Variants in COL17A1 observed in about 807,000 individuals in gnomAD.
COL17A1 encodes collagen type XVII alpha 1 chain, also known as collagen alpha-1(XVII) chain.
In COL17A1, 181 loss-of-function variants were observed where a neutral mutation model predicts 218.4. The ratio of observed to expected loss-of-function variants is 0.83; its 90% CI spans 0.73 to 0.94. The LOEUF (loss-of-function observed/expected upper bound fraction) is 0.94, where lower values mean the gene tolerates loss of function less well. COL17A1 is among the 40% of genes least tolerant of loss of function. The pLI is 0.00. For missense variants in COL17A1, 1,924 were observed against 1,945.9 expected, an observed-to-expected ratio of 0.99 and a Z score of 0.21; for synonymous variants, 721 against 731.0, an observed-to-expected ratio of 0.99 and a Z score of 0.22.
intron 30 of COL17A1, 101 bp downstream of exon 30, chr10:104,047,968 C>T: frequency 6.9e-7 from 1 of 1,456,868 alleles, no homozygotes; most frequent in Non-Finnish European, 9.6e-7. Context: ...CTTCCACATG[C>T]TATATGCTCC....
intron 9 of COL17A1, 25 bp downstream of exon 9, chr10:104,070,401 C>A (rs371642537): frequency 1.9e-6 from 3 of 1,612,652 alleles, no homozygotes; most frequent in Admixed American, 1.7e-5. Flanking sequence ...TCACACTCCT[C>A]GGCAGCCTGG....
At position 104,076,426 on chromosome 10, in the gene COL17A1, C is replaced by A. The variant is rs763187704; in HGVS notation, c.206G>T (p.Gly69Val). 1 of 1,614,020 alleles carries A rather than the reference C, an allele frequency of 6.2e-7. No homozygotes were observed. The highest frequency in any genetic ancestry group is 8.5e-7 in the Non-Finnish European group (1 of 1,179,938). ...GGTGGAGGCATGGCCTCGTGTGCTT[C>A]CAGCTGCAAGAGGGAAAAAGCATAA... ...HGSSGYINST[G>V]STRGHASTSS... is the part of the protein sequence containing the mutation. Residue 69 changes from glycine to valine, a missense_variant, in exon 5 of 56, where the codon GGA becomes GTA. By Grantham distance (109) the Gly-to-Val change is moderately radical. Coordinates refer to ENST00000648076, the MANE Select transcript of COL17A1 (RefSeq NM_000494.4).
At chr10:104,036,028 G>C (rs895138519) in intron 48 of COL17A1, among the ~76,000 whole-genome samples, 1 of 122,872 alleles carries the variant, frequency 8.1e-6, no homozygotes, top group Non-Finnish European at 1.8e-5. Flanking sequence ...GTGTGTCTGA[G>C]TATGGAAGTG....
At chr10:104,034,422 A>G (rs1014218879) in intron 51 of COL17A1, 88 bp from the exon 52 acceptor site, 48 of 1,486,672 alleles carry the variant, frequency 3.2e-5, no homozygotes, top group South Asian at 1.7e-4. Context: ...CAGGGTGTCA[A>G]TGCCCCTGAG....
intron 48 of COL17A1, among the ~76,000 whole-genome samples, chr10:104,036,105 AGTGT>A (rs200804774): frequency 1.2e-3 from 1 of 828 alleles, no homozygotes; most frequent in East Asian, 0.038. Flanking sequence ...TGTGTATGGG[AGTGT>A]GTGTGTATGG....
chr10:104,032,774 G>GTAAC lies in COL17A1; in HGVS notation c.4358-24_4358-21dup. The GTAAC allele has an allele frequency of 1.2e-6, 2 of 1,613,348 alleles. No individual in the cohort carries two copies. The highest frequency in any genetic ancestry group is 2.7e-5 in the African/African-American group (2 of 75,026). ...TGTCACCTGGAAGGAAAAATGGGGC[G>GTAAC]TAACTAAGTAATACATGAGTCTGGG... On this transcript the variant is annotated intron_variant, in intron 54 of 55. Coordinates refer to ENST00000648076, the MANE Select transcript of COL17A1 (RefSeq NM_000494.4).
intron 53 of COL17A1, 129 bp downstream of exon 53, chr10:104,033,109 A>AT: frequency 6.6e-7 from 1 of 1,513,784 alleles, no homozygotes; most frequent in Non-Finnish European, 9.0e-7. Flanking sequence ...AATTTATAGA[A>AT]TTTGTCTAAT....
At position 104,057,871 on chromosome 10, in the gene COL17A1, A is replaced by G. The variant is rs112360257; in HGVS notation, c.1267+275T>C. ...AGTCACCCTGTTGTGTTAGGAGACAACCTAACTAACAAGTGTTAATTAGGG... is the reference window on the plus strand; with the variant it reads ...AGTCACCCTGTTGTGTTAGGAGACAGCCTAACTAACAAGTGTTAATTAGGG... On this transcript the variant is annotated intron_variant, in intron 16 of 55. Coordinates refer to ENST00000648076, the MANE Select transcript of COL17A1 (RefSeq NM_000494.4). Among the ~76,000 whole-genome samples, 1,080 of 151,904 alleles carry G rather than the reference A, an allele frequency of 7.1e-3. 8 individuals carry two copies. The highest frequency in any genetic ancestry group is 0.018 in the African/African-American group (759 of 41,418).
chr10:104,045,737 C>A, intron 33 of COL17A1, 21 bp downstream of exon 33: 1 of 1,602,144 alleles, frequency 6.2e-7, no homozygotes, highest in South Asian at 1.1e-5. Flanking sequence ...AGAAAGAAAT[C>A]TCATTTGGAA....
chr10:104,057,200 A>C (rs1158032248), intron 16 of COL17A1, 28 bp from the exon 17 acceptor site: 1 of 1,613,906 alleles, frequency 6.2e-7, no homozygotes, highest in Non-Finnish European at 8.5e-7. Context: ...AAAATGAAGC[A>C]AATGCAGGCA....
Position 104,037,616 on chromosome 10 carries a change from G to A in COL17A1, c.3208+20C>T. 6.2e-7 allele frequency: 1 copy of A among 1,613,992 alleles called. No homozygotes were observed. Among genetic ancestry groups the A allele is most frequent in the Non-Finnish European group, 8.5e-7 (1 of 1,179,980 alleles). On this transcript the variant is annotated intron_variant, in intron 46 of 55. Transcript: ENST00000648076. ...CCACAGGAGGAAGGTGCCAGGTGCA[G>A]GGCGTGGGGAAGGGCTTACTCCGTA...
At position 104,048,114 on chromosome 10, in the gene COL17A1, T is replaced by C. The variant is rs2086431389; in HGVS notation, c.2228-10A>G. On this transcript the variant is annotated splice_polypyrimidine_tract_variant and intron_variant, in intron 29 of 55. Transcript: ENST00000648076. ...TCTGGGCCAGCAGGACCTGGTAAAG[T>C]AGAAGCAAGGTCTCTCAGTTGCTCC... 1 of 1,614,142 alleles carries C rather than the reference T, an allele frequency of 6.2e-7. No individual in the cohort carries two copies. Among genetic ancestry groups the C allele is most frequent in the Non-Finnish European group, 8.5e-7 (1 of 1,180,006 alleles).
At chr10:104,050,937 A>G in intron 25 of COL17A1, 36 bp from the exon 26 acceptor site, 1 of 1,614,024 alleles carries the variant, frequency 6.2e-7, no homozygotes, top group Non-Finnish European at 8.5e-7. Context: ...ACAGATGAGT[A>G]TCCCTAGCTT....
In COL17A1 at chr10:104,045,778, G is replaced by T; in HGVS notation, c.2378C>A (p.Pro793His). Reference sequence around the variant, plus strand: ...CTTACCTTTTATTCCTGGTCGGCCAGGGGTACCGGGAAGTCCTGATGTGAT... The same window carrying T: ...CTTACCTTTTATTCCTGGTCGGCCATGGGTACCGGGAAGTCCTGATGTGAT... The part of the protein sequence containing the change: ...PQGPQGLPGT[P>H]GRPGIKGEPG... The change falls in exon 33 of 56, where the codon CCT becomes CAT. Residue 793 changes from proline (P) to histidine (H), a missense_variant. By Grantham distance (77) the Pro-to-His change is moderately conservative. Coordinates refer to ENST00000648076, the MANE Select transcript of COL17A1 (RefSeq NM_000494.4). 1 of 1,612,804 alleles carries T rather than the reference G, an allele frequency of 6.2e-7. No homozygotes were observed. Among genetic ancestry groups the T allele is most frequent in the Non-Finnish European group, 8.5e-7 (1 of 1,178,698 alleles).
At position 104,053,096 on chromosome 10, in the gene COL17A1, C is replaced by T. The variant is rs755190818; in HGVS notation, c.1874G>A (p.Arg625Gln). The T allele has an allele frequency of 7.4e-6, 12 of 1,613,862 alleles. No individual in the cohort carries two copies. Among genetic ancestry groups the T allele is most frequent in the Admixed American group, 1.7e-5 (1 of 60,036 alleles). The change falls in exon 23 of 56, where the codon CGA becomes CAA. Residue 625 changes from arginine to glutamine, a missense_variant. Transcript: ENST00000648076. ...ACCACGAGGTCCCATGGGGCCTTCT[C>T]GCCCTCTCTGGCCCATGGGGCCTTC... ...GMEGPMGQRG[R>Q]EGPMGPRGEA...
rs1564670677 is a variant in COL17A1, at chr10:104,035,529, CG to C, written c.3452del (p.Pro1151ArgfsTer100). 1.2e-6 allele frequency: 2 copies of C among 1,613,914 alleles called. No individual in the cohort carries two copies. The highest frequency in any genetic ancestry group is 1.7e-6 in the Non-Finnish European group (2 of 1,179,940). ...SGISIGLPGPPGPPGLPGTSY... is the reference protein window; with the variant it reads ...SGISIGLPGPXGPPGLPGTSY... Reference sequence around the variant, plus strand: ...AGGTTCCCGGCAAGCCAGGGGGCCCCGGGGGACCAGGAAGCCCAATGCTGAT... The same window carrying C: ...AGGTTCCCGGCAAGCCAGGGGGCCCCGGGGACCAGGAAGCCCAATGCTGAT... On this transcript the variant is annotated frameshift_variant, in exon 49 of 56. Coordinates refer to ENST00000648076, the MANE Select transcript of COL17A1 (RefSeq NM_000494.4). LOFTEE classifies it high-confidence loss of function.
chr10:104,074,223 T>C lies in COL17A1; in HGVS notation c.340A>G (p.Ser114Gly), dbSNP rs565675634. The C allele has an allele frequency of 6.2e-7, 1 of 1,614,076 alleles. No homozygotes were observed. The highest frequency in any genetic ancestry group is 1.7e-5 in the Admixed American group (1 of 60,024). The change falls in exon 6 of 56, where the codon AGT becomes GGT. Residue 114 changes from serine (S) to glycine (G), a missense_variant. Physicochemically the swap from Ser to Gly is moderately conservative, Grantham distance 56. Coordinates refer to ENST00000648076, the MANE Select transcript of COL17A1 (RefSeq NM_000494.4). ...VTRHAYEGSS[S>G]GNSSPEYPRK... The stretch of plus-strand genomic sequence containing the variant: ...GGGTACTCCGGAGAAGAGTTGCCAC[T>C]GGAGCTCCCTGGAGAGGGGATGAAA...
chr10:104,048,788 G>A (rs2134601660), intron 29 of COL17A1, among the ~76,000 whole-genome samples: 2 of 151,922 alleles, frequency 1.3e-5, no homozygotes, highest in East Asian at 3.9e-4. Flanking sequence ...ATCTCCACAG[G>A]TAAGGCTTAA....
chr10:104,077,846 C>A (rs2086725443), intron 3 of COL17A1, among the ~76,000 whole-genome samples: 1 of 152,162 alleles, frequency 6.6e-6, no homozygotes, highest in Non-Finnish European at 1.5e-5. Flanking sequence ...AAAGGCTGAG[C>A]GATGAAAGCT....
Sources: allele counts gnomAD v4.1 joint callset (sites outside exome capture counted in the v4.1 genomes callset), GRCh38; gene constraint gnomAD v4.1.1; transcripts MANE v1.5; gene names NCBI Gene and HGNC (gene_info 2026-07-23, HGNC 2026-07-21).